MED14: variants seen among roughly 807,000 people sequenced by gnomAD.
The protein encoded by MED14 is mediator of RNA polymerase II transcription subunit 14.
In MED14, 8 loss-of-function variants were observed where a neutral mutation model predicts 109.0. That is an observed-to-expected ratio of 0.07 (90% CI 0.04 to 0.13). MED14 has a LOEUF of 0.13. Ranked by LOEUF, MED14 falls within the 10% of genes least tolerant of loss-of-function variation. The probability of loss-of-function intolerance (pLI) is 1.00; values close to 1 mark genes in which losing one functional copy is unlikely to be tolerated. For missense variants in MED14, 711 were observed against 1,142.4 expected, an observed-to-expected ratio of 0.62 and a Z score of 5.44; for synonymous variants, 399 against 408.7, an observed-to-expected ratio of 0.98 and a Z score of 0.29.
intron 3 of MED14, among the ~76,000 whole-genome samples, chrX:40,716,604 A>AC (rs1175554797): frequency 1.8e-5 from 2 of 108,783 alleles, no homozygotes; most frequent in African/African-American, 6.7e-5. Flanking sequence ...AAAAAAAAAA[A>AC]CCACTAACAA....
chrX:40,736,114 C>T (rs143531251), upstream of MED14, among the ~76,000 whole-genome samples: 53 of 111,838 alleles, frequency 4.7e-4, 1 homozygote, highest in South Asian at 4.4e-3. Flanking sequence ...TCTGGAATCG[C>T]GAAGAAATGG....
chrX:40,688,189 C>A (rs1000022126), intron 16 of MED14, among the ~76,000 whole-genome samples: 3 of 111,745 alleles, frequency 2.7e-5, no homozygotes, highest in Admixed American at 9.5e-5. Context: ...CATGCCACTG[C>A]ACTCCAGTCA....
chrX:40,654,202 A>C (rs1928976657), intron 30 of MED14, 162 bp downstream of exon 30: 1 of 440,241 alleles, frequency 2.3e-6, no homozygotes, highest in Non-Finnish European at 3.8e-6. Flanking sequence ...AAAGGAAGAA[A>C]GCGACAGGCA....
At chrX:40,681,977 T>A in intron 18 of MED14, 34 bp from the exon 19 acceptor site, 2 of 716,659 alleles carry the variant, frequency 2.8e-6, no homozygotes, top group Non-Finnish European at 4.0e-6. Context: ...AGATTAATAT[T>A]ATACATGTAA....
At position 40,712,903 on chromosome X, in the gene MED14, T is replaced by C. The variant is rs1001784498; in HGVS notation, c.781+11A>G. 8.7e-7 allele frequency: 1 copy of C among 1,151,552 alleles called. No homozygotes were observed. Among genetic ancestry groups the C allele is most frequent in the African/African-American group, 1.8e-5 (1 of 55,685 alleles). 94.9% of individuals were successfully genotyped at this position (1,151,552 alleles called of 1,213,427 possible). On this transcript the variant is annotated intron_variant, in intron 6 of 30. Transcript: ENST00000324817. ...TAATACTTATGATTTAAATCACTAC[T>C]TATGATTTACCTCCTGTTTCCTTAT...
intron 3 of MED14, among the ~76,000 whole-genome samples, chrX:40,722,163 A>G (rs1284535751): frequency 8.9e-6 from 1 of 112,488 alleles, no homozygotes; most frequent in Non-Finnish European, 1.9e-5. Flanking sequence ...GACCTTTCAG[A>G]CAGAAAATTC....
intron 22 of MED14, among the ~76,000 whole-genome samples, chrX:40,672,504 G>A (rs1929764631): frequency 8.9e-6 from 1 of 112,218 alleles, no homozygotes; most frequent in Admixed American, 9.4e-5. Flanking sequence ...CAAGGTAGTT[G>A]TAACATTTTA....
chrX:40,656,671 A>T (rs5963829), intron 28 of MED14, among the ~76,000 whole-genome samples: 1 of 110,955 alleles, frequency 9.0e-6, no homozygotes, highest in Non-Finnish European at 1.9e-5. Flanking sequence ...AGTTGGGACT[A>T]CTCAGCAATT....
intron 21 of MED14, 49 bp downstream of exon 21, chrX:40,679,815 T>C: frequency 8.7e-7 from 1 of 1,147,086 alleles, no homozygotes; most frequent in Non-Finnish European, 1.2e-6. Context: ...GAAACTATTT[T>C]AGAGATAATT....
intron 21 of MED14, among the ~76,000 whole-genome samples, chrX:40,678,743 C>G (rs1407790099): frequency 9.2e-6 from 1 of 109,250 alleles, no homozygotes; most frequent in Admixed American, 9.8e-5. Flanking sequence ...GTGGTTGAGG[C>G]TGCAGTGAGC....
intron 10 of MED14, among the ~76,000 whole-genome samples, chrX:40,707,832 T>G (rs1190445834): frequency 8.9e-6 from 1 of 111,945 alleles, no homozygotes; most frequent in Non-Finnish European, 1.9e-5. Context: ...TAAAATGTTC[T>G]AAAATCAAAT....
At position 40,648,716 on chromosome X, in the gene MED14, G is replaced by A. The variant is rs1928751425; in HGVS notation, c.*3090C>T. 8.9e-6 allele frequency: 1 copy of A among 111,945 alleles called. No individual in the cohort carries two copies. Among genetic ancestry groups the A allele is most frequent in the African/African-American group, 3.3e-5 (1 of 30,667 alleles). 9.2% of individuals were successfully genotyped at this position (111,945 alleles called of 1,213,427 possible). A position where few individuals can be genotyped will look rare whatever the true frequency, so the allele number is the denominator to read the frequency against. ...TTTCATCAATCAGTTATATTCTTGG[G>A]CAAGGTATTTTAACAAATCACTGGC... On this transcript the variant is annotated 3_prime_UTR_variant, in exon 31 of 31. Coordinates refer to ENST00000324817, the MANE Select transcript of MED14 (RefSeq NM_004229.4).
At chrX:40,674,902 A>G (rs1929860582) in intron 22 of MED14, among the ~76,000 whole-genome samples, 1 of 112,554 alleles carries the variant, frequency 8.9e-6, no homozygotes, top group Non-Finnish European at 1.9e-5. Context: ...CTCTACTTTA[A>G]TAGCATCTGT....
rs1241534917 is a variant in MED14, at chrX:40,651,281, T to A, written c.*525A>T. The A allele has an allele frequency of 1.7e-5, 13 of 752,910 alleles. No homozygotes were observed. The African/African-American group carries it at 3.0e-4, about 17-fold the overall frequency. 62.0% of individuals were successfully genotyped at this position (752,910 alleles called of 1,213,427 possible). On this transcript the variant is annotated 3_prime_UTR_variant, in exon 31 of 31. Transcript: ENST00000324817. ...AGTGAGTGTCACTGTTTTGTTTTGT[T>A]TTTGACCTAGTTTTATTAAATATTG... is the stretch of plus-strand genomic sequence containing the variant.
chrX:40,683,794 A>G (rs1930207772), intron 16 of MED14, among the ~76,000 whole-genome samples: 1 of 112,276 alleles, frequency 8.9e-6, no homozygotes, highest in South Asian at 3.6e-4. Flanking sequence ...TTATTTTCAT[A>G]GAGCTTTACA....
chrX:40,648,408 C>T lies in MED14; in HGVS notation c.*3398G>A, dbSNP rs1339940261. ...AAAGAGTCTAAACATTAAACCTTCCCGACTGTGGTTCACAGCAAAAATGTC... is the reference window on the plus strand; with the variant it reads ...AAAGAGTCTAAACATTAAACCTTCCTGACTGTGGTTCACAGCAAAAATGTC... On this transcript the variant is annotated 3_prime_UTR_variant, in exon 31 of 31. Transcript: ENST00000324817. 1.8e-5 allele frequency: 2 copies of T among 111,614 alleles called. No individual in the cohort carries two copies. The highest frequency in any genetic ancestry group is 3.8e-5 in the Non-Finnish European group (2 of 53,120). 9.2% of individuals were successfully genotyped at this position (111,614 alleles called of 1,213,427 possible).
chrX:40,712,887 T>C (rs1290227034), intron 6 of MED14, 27 bp downstream of exon 6: 9 of 1,112,103 alleles, frequency 8.1e-6, no homozygotes, highest in Non-Finnish European at 1.1e-5. Context: ...CTAATACTTA[T>C]GATTTAAATC....
chrX:40,657,644 C>T (rs1005819551), intron 28 of MED14, among the ~76,000 whole-genome samples: 7 of 111,809 alleles, frequency 6.3e-5, no homozygotes, highest in African/African-American at 1.6e-4. Context: ...CCCTAAAAAA[C>T]GAACACGAAT....
intron 25 of MED14, 26 bp downstream of exon 25, chrX:40,664,281 A>C (rs145685395): frequency 0.019 from 22,276 of 1,181,852 alleles, 170 homozygotes; most frequent in Middle Eastern, 0.07. Context: ...ACTAAAAAAG[A>C]ACATAAAAAT....
Sources: gnomAD v4.1 joint callset for allele counts (sites outside exome capture counted in the v4.1 genomes callset) on GRCh38, gnomAD v4.1.1 for gene constraint, MANE v1.5 for transcripts, NCBI Gene and HGNC (gene_info 2026-07-23, HGNC 2026-07-21) for gene names.